The following LRRTM4 variants were observed in gnomAD, a reference collection of about 807,000 sequenced individuals.
LRRTM4 encodes the protein leucine-rich repeat transmembrane neuronal protein 4.
LRRTM4 carries 25 observed loss-of-function variants against 47.6 expected under a neutral mutation model. That is an observed-to-expected ratio of 0.53 (90% confidence interval 0.38 to 0.73). LRRTM4 has a LOEUF of 0.73. Among genes scored for constraint, LRRTM4 ranks in the 30% least tolerant of loss-of-function variants. The pLI is 0.00. For synonymous variants in LRRTM4, 311 were observed against 269.5 expected (o/e 1.15, Z -1.51); for missense variants, 638 against 713.4 (o/e 0.89, Z 1.20).
intron 3 of LRRTM4, among the ~76,000 whole-genome samples, chr2:76,939,758 T>C (rs1329971581): frequency 6.6e-6 from 1 of 152,106 alleles, no homozygotes; most frequent in Non-Finnish European, 1.5e-5. Context: ...GTGATATCCT[T>C]TTGGCAATAT....
chr2:77,091,183 C>T (rs567366839), intron 3 of LRRTM4, among the ~76,000 whole-genome samples: 890 of 146,096 alleles, frequency 6.1e-3, no homozygotes, highest in Non-Finnish European at 9.7e-3. Flanking sequence ...TCCTGGACTA[C>T]AGCTATATCT....
chr2:77,260,598 T>A (rs1052752564), intron 3 of LRRTM4, among the ~76,000 whole-genome samples: 4 of 152,074 alleles, frequency 2.6e-5, no homozygotes, highest in Non-Finnish European at 1.5e-5. Context: ...TAGTTCTTGA[T>A]GCAATTAAGA....
chr2:76,785,883 A>G (rs1442940004), intron 3 of LRRTM4, among the ~76,000 whole-genome samples: 1 of 152,122 alleles, frequency 6.6e-6, no homozygotes, highest in Non-Finnish European at 1.5e-5. Context: ...CCCAAGGAAG[A>G]AAATGCCTTG....
chr2:76,786,891 C>T (rs1674701574), intron 3 of LRRTM4, among the ~76,000 whole-genome samples: 1 of 152,050 alleles, frequency 6.6e-6, no homozygotes, highest in African/African-American at 2.4e-5. Context: ...AAAAATAAAG[C>T]CCCCAAGTCA....
At chr2:77,480,827 GAGAGAGA>G (rs1677664809) in intron 3 of LRRTM4, among the ~76,000 whole-genome samples, 6 of 51,424 alleles carry the variant, frequency 1.2e-4, no homozygotes, top group African/African-American at 3.0e-4. Context: ...TGTGTGGAGA[GAGAGAGA>G]GAGAGAGAGA....
intron 3 of LRRTM4, among the ~76,000 whole-genome samples, chr2:76,763,400 A>G (rs779348064): frequency 2.0e-4 from 30 of 152,216 alleles, no homozygotes; most frequent in Non-Finnish European, 1.8e-4. Flanking sequence ...AAAAGAAATA[A>G]CAGAGAGCTC....
In LRRTM4 at chr2:76,825,929, C is replaced by T. The variant is rs559285840; in HGVS notation, c.1552-77013G>A. Among the ~76,000 whole-genome samples, 17 of 151,728 alleles carry T rather than the reference C, an allele frequency of 1.1e-4. No homozygotes were observed. In the South Asian group the frequency reaches 3.3e-3, roughly 30 times the overall value. Reference sequence around the variant, plus strand: ...AGAGCAGAAATTATTTTACAAAAGACGTATTTAATTTTTCTGAATATATTT... The same window carrying T: ...AGAGCAGAAATTATTTTACAAAAGATGTATTTAATTTTTCTGAATATATTT... On this transcript the variant is annotated intron_variant, in intron 3 of 3. Transcript: ENST00000409884.
chr2:76,808,433 C>T (rs1263193773), intron 3 of LRRTM4, among the ~76,000 whole-genome samples: 2 of 118,446 alleles, frequency 1.7e-5, no homozygotes, highest in East Asian at 5.0e-4. Flanking sequence ...AATATATATA[C>T]ATTGATTTTG....
At chr2:77,072,077 C>A (rs1018098060) in intron 3 of LRRTM4, among the ~76,000 whole-genome samples, 1 of 152,190 alleles carries the variant, frequency 6.6e-6, no homozygotes, top group Middle Eastern at 3.4e-3. Context: ...ATTATTAATA[C>A]ATTTTTATAT....
intron 3 of LRRTM4, among the ~76,000 whole-genome samples, chr2:77,184,282 T>A (rs1005980421): frequency 2.0e-5 from 3 of 152,098 alleles, no homozygotes; most frequent in Non-Finnish European, 2.9e-5. Flanking sequence ...AATGAAGTAC[T>A]AAAATTATAT....
chr2:77,416,443 T>C (rs1674637175), intron 3 of LRRTM4, among the ~76,000 whole-genome samples: 1 of 152,132 alleles, frequency 6.6e-6, no homozygotes, highest in Non-Finnish European at 1.5e-5. Flanking sequence ...TACTAAAACA[T>C]TTACTTGTAA....
intron 3 of LRRTM4, among the ~76,000 whole-genome samples, chr2:77,325,163 A>C (rs1274322346): frequency 3.3e-5 from 5 of 152,150 alleles, no homozygotes. Flanking sequence ...GACAATAATG[A>C]AATCGCCAAA....
intron 3 of LRRTM4, among the ~76,000 whole-genome samples, chr2:77,047,505 G>T (rs577892383): frequency 6.6e-6 from 1 of 152,034 alleles, no homozygotes; most frequent in East Asian, 1.9e-4. Context: ...CACTTCCGGT[G>T]GTTTGCTAGC....
At chr2:76,909,612 A>C (rs932544888) in intron 3 of LRRTM4, among the ~76,000 whole-genome samples, 1 of 152,150 alleles carries the variant, frequency 6.6e-6, no homozygotes. Flanking sequence ...AAGGGCTAAT[A>C]TCCAGAATCT....
intron 3 of LRRTM4, among the ~76,000 whole-genome samples, chr2:76,772,741 T>A (rs921884259): frequency 6.6e-6 from 1 of 152,214 alleles, no homozygotes; most frequent in African/African-American, 2.4e-5. Flanking sequence ...AATAAGACAT[T>A]TTGAGAAAGA....
intron 3 of LRRTM4, among the ~76,000 whole-genome samples, chr2:77,510,706 T>C (rs1678951035): frequency 6.6e-6 from 1 of 151,992 alleles, no homozygotes; most frequent in Non-Finnish European, 1.5e-5. Context: ...CTTAAAAATA[T>C]AGTGAATTCT....
intron 3 of LRRTM4, among the ~76,000 whole-genome samples, chr2:76,816,432 A>T (rs1670897325): frequency 6.6e-6 from 1 of 152,122 alleles, no homozygotes; most frequent in South Asian, 2.1e-4. Flanking sequence ...AAGTAGAAGA[A>T]GAAAATAATA....
chr2:77,437,331 T>G (rs1372978439), intron 3 of LRRTM4, among the ~76,000 whole-genome samples: 2 of 152,202 alleles, frequency 1.3e-5, no homozygotes, highest in East Asian at 3.9e-4. Flanking sequence ...AGCTTCCTAT[T>G]ATACAGAGAT....
intron 3 of LRRTM4, among the ~76,000 whole-genome samples, chr2:77,406,500 C>T (rs1294088927): frequency 6.6e-6 from 1 of 152,034 alleles, no homozygotes; most frequent in Non-Finnish European, 1.5e-5. Context: ...CAAGGTCTCA[C>T]TATGTTGCTC....
Sources: gnomAD v4.1 joint callset for allele counts (sites outside exome capture counted in the v4.1 genomes callset) on GRCh38, gnomAD v4.1.1 for gene constraint, MANE v1.5 for transcripts, NCBI Gene and HGNC (gene_info 2026-07-23, HGNC 2026-07-21) for gene names.